The following SUPT3H variants were observed in gnomAD, a reference collection of about 807,000 sequenced individuals.
SUPT3H encodes the protein SPT3 homolog, SAGA and STAGA complex component.
Under a neutral mutation model 44.3 loss-of-function variants are expected in SUPT3H, and 44 were observed. That is an observed-to-expected ratio of 0.99 (90% CI 0.78 to 1.28). SUPT3H has a LOEUF of 1.28. Among genes scored for constraint, SUPT3H ranks in the 50% most tolerant of loss-of-function variants. SUPT3H has a pLI of 0.00. For missense variants in SUPT3H, 380 were observed against 387.1 expected, an observed-to-expected ratio of 0.98 and a Z score of 0.15; for synonymous variants, 124 against 125.6, an observed-to-expected ratio of 0.99 and a Z score of 0.09.
intron 2 of SUPT3H, among the ~76,000 whole-genome samples, chr6:45,283,053 C>G (rs994961626): frequency 6.6e-6 from 1 of 152,078 alleles, no homozygotes; most frequent in Non-Finnish European, 1.5e-5. Flanking sequence ...TTTGTCACCA[C>G]CAGGCCTGCC....
intron 10 of SUPT3H, among the ~76,000 whole-genome samples, chr6:44,830,833 A>G (rs1458803256): frequency 6.9e-6 from 1 of 145,588 alleles, no homozygotes; most frequent in Non-Finnish European, 1.5e-5. Flanking sequence ...ACTCTGAAGC[A>G]GTTCTGGAGT....
intron 2 of SUPT3H, among the ~76,000 whole-genome samples, chr6:45,151,484 T>C (rs1806962988): frequency 6.6e-6 from 1 of 152,160 alleles, no homozygotes; most frequent in Non-Finnish European, 1.5e-5. Flanking sequence ...CTTAGAAATA[T>C]GTAGCCATTT....
intron 2 of SUPT3H, among the ~76,000 whole-genome samples, chr6:45,304,669 A>G (rs547495661): frequency 6.6e-6 from 1 of 152,340 alleles, no homozygotes; most frequent in East Asian, 1.9e-4. Context: ...AAGAAGTAGT[A>G]TTCAAAACAA....
chr6:45,096,726 G>A (rs1446827999), intron 3 of SUPT3H, among the ~76,000 whole-genome samples: 2 of 152,174 alleles, frequency 1.3e-5, no homozygotes, highest in East Asian at 3.9e-4. Context: ...TCTAAAAAAT[G>A]TCCATCATCC....
intron 10 of SUPT3H, among the ~76,000 whole-genome samples, chr6:44,903,934 T>G (rs1158148294): frequency 6.6e-6 from 1 of 152,110 alleles, no homozygotes; most frequent in Non-Finnish European, 1.5e-5. Context: ...CAAAAAACCA[T>G]GATTATCTCA....
At position 45,009,353 on chromosome 6, in the gene SUPT3H, T is replaced by C. The variant is rs79337184; in HGVS notation, c.364+5448A>G. On this transcript the variant is annotated intron_variant, in intron 5 of 10. Coordinates refer to ENST00000371459, the MANE Select transcript of SUPT3H (RefSeq NM_003599.4). ...TTTTCCCTTTTTCTTTTGCTGTTTGTGCTTTTGGTGTCATACATTCAGAAT... is the reference window on the plus strand; with the variant it reads ...TTTTCCCTTTTTCTTTTGCTGTTTGCGCTTTTGGTGTCATACATTCAGAAT... 2.5e-3 allele frequency among the ~76,000 whole-genome samples: 387 copies of C among 152,316 alleles called. 3 individuals carry two copies. Among genetic ancestry groups the C allele is most frequent in the African/African-American group, 8.5e-3 (354 of 41,574 alleles).
intron 2 of SUPT3H, among the ~76,000 whole-genome samples, chr6:45,351,398 C>T (rs1455883341): frequency 6.6e-6 from 1 of 151,954 alleles, no homozygotes; most frequent in African/African-American, 2.4e-5. Context: ...AAAACAATCC[C>T]CATAATCAGG....
At position 45,106,016 on chromosome 6, in the gene SUPT3H, AAT is replaced by A; in HGVS notation, c.102-12_102-11del. ...ATCACCTAAAGAATACCTGCAAAAT[AAT>A]TTTAAACACACCAATATTAAGGACT... On this transcript the variant is annotated splice_polypyrimidine_tract_variant and intron_variant, in intron 2 of 10. Coordinates refer to ENST00000371459, the MANE Select transcript of SUPT3H (RefSeq NM_003599.4). 2 of 1,604,050 alleles carry A rather than the reference AAT, an allele frequency of 1.2e-6. No homozygotes were observed. The highest frequency in any genetic ancestry group is 1.7e-6 in the Non-Finnish European group (2 of 1,171,338).
chr6:45,302,469 T>TAC (rs893747395), intron 2 of SUPT3H, among the ~76,000 whole-genome samples: 1 of 139,682 alleles, frequency 7.2e-6, no homozygotes, highest in Non-Finnish European at 1.6e-5. Context: ...CATATATACA[T>TAC]ATATATATAT....
intron 3 of SUPT3H, among the ~76,000 whole-genome samples, chr6:45,062,700 G>A (rs74965567): frequency 5.3e-5 from 8 of 152,114 alleles, no homozygotes; most frequent in East Asian, 1.9e-4. Context: ...AAGGGGTGAC[G>A]GACGCACCTG....
At chr6:44,947,701 C>G (rs559529380) in intron 9 of SUPT3H, among the ~76,000 whole-genome samples, 3 of 151,950 alleles carry the variant, frequency 2.0e-5, no homozygotes, top group Non-Finnish European at 4.4e-5. Flanking sequence ...AAATGAAACT[C>G]CAAAAATAAA....
At chr6:45,089,053 T>C (rs768391908) in intron 3 of SUPT3H, among the ~76,000 whole-genome samples, 27 of 152,068 alleles carry the variant, frequency 1.8e-4, no homozygotes, top group African/African-American at 5.8e-4. Context: ...CAAAATATCA[T>C]ATGAATGGAA....
chr6:45,164,381 AG>A (rs1243427306), intron 2 of SUPT3H, among the ~76,000 whole-genome samples: 1 of 152,186 alleles, frequency 6.6e-6, no homozygotes, highest in Non-Finnish European at 1.5e-5. Context: ...TATTTTCCTT[AG>A]GAGCAATAGT....
rs745690287 is a variant in SUPT3H, at chr6:44,932,662, G to A, written c.903C>T (p.Ser301=). ...RRYSHRIGPL[S]PFTNAYRRNG... ...CTCTGTTATTACGTACTGTGAATGG[G>A]GAAAGTGGGCCAATCCTGTGGCTGT... Residue 301 remains serine, a synonymous_variant, in exon 10 of 11, where the codon TCC becomes TCT. Coordinates refer to ENST00000371459, the MANE Select transcript of SUPT3H (RefSeq NM_003599.4). 1.9e-6 allele frequency: 3 copies of A among 1,605,962 alleles called. No individual in the cohort carries two copies. The highest frequency in any genetic ancestry group is 2.6e-6 in the Non-Finnish European group (3 of 1,176,208).
chr6:45,115,379 A>C (rs1202131658), intron 2 of SUPT3H, among the ~76,000 whole-genome samples: 1 of 152,218 alleles, frequency 6.6e-6, no homozygotes, highest in East Asian at 1.9e-4. Flanking sequence ...GACAGTGTCC[A>C]GAAGAAAAAG....
chr6:45,089,455 C>T (rs1796872520), intron 3 of SUPT3H, among the ~76,000 whole-genome samples: 1 of 151,964 alleles, frequency 6.6e-6, no homozygotes, highest in Admixed American at 6.6e-5. Flanking sequence ...TGCCATTCGC[C>T]TTATTCTAAA....
intron 1 of SUPT3H, chr6:45,377,329 G>A (rs780733181): frequency 2.0e-5 from 3 of 152,100 alleles, no homozygotes; most frequent in Admixed American, 6.6e-5. Context: ...GAACACAGCG[G>A]ATCTTTTCCT....
intron 10 of SUPT3H, among the ~76,000 whole-genome samples, chr6:44,902,258 T>C (rs1042526497): frequency 3.5e-4 from 54 of 152,128 alleles, no homozygotes; most frequent in African/African-American, 1.3e-3. Flanking sequence ...GATCCATCAG[T>C]GTGCTGTATT....
At chr6:45,370,572 A>G (rs1795891413) in intron 1 of SUPT3H, among the ~76,000 whole-genome samples, 1 of 152,208 alleles carries the variant, frequency 6.6e-6, no homozygotes, top group Admixed American at 6.5e-5. Context: ...AACTTTGTAT[A>G]AGGATATAAG....
Sources: gnomAD v4.1 joint callset for allele counts (sites outside exome capture counted in the v4.1 genomes callset) on GRCh38, gnomAD v4.1.1 for gene constraint, MANE v1.5 for transcripts, NCBI Gene and HGNC (gene_info 2026-07-23, HGNC 2026-07-21) for gene names.